Variants in FERMT2 observed in about 807,000 individuals in gnomAD.
FERMT2 encodes fermitin family homolog 2.
A neutral mutation model predicts 82.7 loss-of-function variants in FERMT2; 15 were observed. The ratio of observed to expected loss-of-function variants is 0.18; its 90% CI spans 0.12 to 0.28. The LOEUF (loss-of-function observed/expected upper bound fraction) is 0.28. Ranked by LOEUF, FERMT2 falls within the 10% of genes least tolerant of loss-of-function variation. The probability of loss-of-function intolerance (pLI) is 1.00; values close to 1 mark genes in which losing one functional copy is unlikely to be tolerated. For missense variants in FERMT2, 645 were observed against 809.4 expected (o/e 0.80, Z 2.46); for synonymous variants, 274 against 271.5 (o/e 1.01, Z -0.09).
intron 9 of FERMT2, among the ~76,000 whole-genome samples, chr14:52,873,383 C>T (rs1032255090): frequency 1.3e-5 from 2 of 152,160 alleles, no homozygotes; most frequent in Non-Finnish European, 2.9e-5. Flanking sequence ...GTGCTTCTTT[C>T]TCCGGGGTAA....
At chr14:52,909,747 A>C (rs1421575768) in intron 3 of FERMT2, among the ~76,000 whole-genome samples, 1 of 151,166 alleles carries the variant, frequency 6.6e-6, no homozygotes, top group Non-Finnish European at 1.5e-5. Context: ...AAAGTAGTTT[A>C]AGTGATCCTT....
At chr14:52,891,624 C>T (rs982436365) in intron 4 of FERMT2, among the ~76,000 whole-genome samples, 2 of 152,076 alleles carry the variant, frequency 1.3e-5, no homozygotes, top group African/African-American at 2.4e-5. Context: ...TAGTGGTGGG[C>T]ACTGCACAGT....
rs1479861446 is a variant in FERMT2, at chr14:52,857,730, A to G, written c.*647T>C. On this transcript the variant is annotated 3_prime_UTR_variant, in exon 15 of 15. Transcript: ENST00000341590. ...GCAAAGAGTTGCATATTTTAGGCAG[A>G]CAGTGATTATGCTGGTGAATACTAA... The G allele has an allele frequency of 2.0e-5, 3 of 152,662 alleles. No homozygotes were observed. Among genetic ancestry groups the G allele is most frequent in the Non-Finnish European group, 4.4e-5 (3 of 68,048 alleles). 9.5% of individuals were successfully genotyped at this position (152,662 alleles called of 1,614,324 possible).
intron 2 of FERMT2, among the ~76,000 whole-genome samples, chr14:52,937,069 C>T (rs190423414): frequency 2.6e-5 from 4 of 151,856 alleles, no homozygotes; most frequent in African/African-American, 7.3e-5. Context: ...GGCTGAGGCA[C>T]GAGAATTGCT....
At position 52,919,238 on chromosome 14, in the gene FERMT2, G is replaced by A; in HGVS notation, c.276C>T (p.Phe92=). ...GGCGGAGCAGTTTGTGCTGAGGGGT[G>A]AACTGAAGCTTAGCATCTGCCTGAA... is the stretch of plus-strand genomic sequence containing the variant. ...YGIQADAKLQ[F]TPQHKLLRLQ... is the part of the protein sequence containing the mutation. Residue 92 remains phenylalanine (F), a synonymous_variant, in exon 3 of 15, where the codon TTC becomes TTT. Transcript: ENST00000341590. 6.2e-7 allele frequency: 1 copy of A among 1,614,056 alleles called. No homozygotes were observed. The highest frequency in any genetic ancestry group is 8.5e-7 in the Non-Finnish European group (1 of 1,179,956).
At chr14:52,907,180 T>C (rs1888061966) in intron 3 of FERMT2, among the ~76,000 whole-genome samples, 1 of 152,130 alleles carries the variant, frequency 6.6e-6, no homozygotes, top group Non-Finnish European at 1.5e-5. Context: ...GCCCAGCTAA[T>C]TTTTTGGTAT....
At chr14:52,859,756 G>A (rs1272474809) in intron 13 of FERMT2, 42 bp from the exon 14 acceptor site, 3 of 1,290,592 alleles carry the variant, frequency 2.3e-6, no homozygotes, top group Non-Finnish European at 3.2e-6. Context: ...CATGTTGTGG[G>A]GGAACATGTT....
intron 3 of FERMT2, among the ~76,000 whole-genome samples, chr14:52,911,620 C>G (rs1888318694): frequency 6.6e-6 from 1 of 150,486 alleles, no homozygotes; most frequent in Non-Finnish European, 1.5e-5. Flanking sequence ...CACTGCAGTC[C>G]AACCTGGGTG....
intron 3 of FERMT2, among the ~76,000 whole-genome samples, chr14:52,913,286 C>A (rs1888427391): frequency 1.3e-5 from 2 of 152,212 alleles, no homozygotes; most frequent in African/African-American, 4.8e-5. Flanking sequence ...AAATTTCTAA[C>A]ATTGCAAACA....
intron 2 of FERMT2, among the ~76,000 whole-genome samples, chr14:52,922,899 T>G (rs1191773545): frequency 6.6e-6 from 1 of 152,166 alleles, no homozygotes; most frequent in Non-Finnish European, 1.5e-5. Context: ...AATGCGATGT[T>G]TGGCAAGTTC....
intron 4 of FERMT2, among the ~76,000 whole-genome samples, chr14:52,886,767 T>C (rs1275823451): frequency 6.6e-6 from 1 of 152,220 alleles, no homozygotes; most frequent in Non-Finnish European, 1.5e-5. Context: ...ACTGTCAAGT[T>C]GGACTCCAAA....
At chr14:52,906,561 C>A in intron 3 of FERMT2, among the ~76,000 whole-genome samples, 1 of 151,322 alleles carries the variant, frequency 6.6e-6, no homozygotes. Context: ...TGGGGAAGCA[C>A]AAATAACTCA....
intron 2 of FERMT2, among the ~76,000 whole-genome samples, chr14:52,928,716 C>G (rs540331668): frequency 6.6e-6 from 1 of 152,192 alleles, no homozygotes; most frequent in African/African-American, 2.4e-5. Flanking sequence ...AATCCTCCTC[C>G]TTCTCAGTAG....
intron 2 of FERMT2, among the ~76,000 whole-genome samples, chr14:52,948,350 C>G (rs1890458057): frequency 6.6e-6 from 1 of 152,178 alleles, no homozygotes; most frequent in African/African-American, 2.4e-5. Flanking sequence ...GCTGCCCTAC[C>G]GAATCTCTCC....
chr14:52,866,692 A>G (rs1885300320), intron 10 of FERMT2, among the ~76,000 whole-genome samples: 1 of 152,176 alleles, frequency 6.6e-6, no homozygotes, highest in Non-Finnish European at 1.5e-5. Flanking sequence ...AACAATGCCT[A>G]TTTCAAATCT....
At chr14:52,941,343 T>C (rs1281544913) in intron 2 of FERMT2, among the ~76,000 whole-genome samples, 1 of 152,200 alleles carries the variant, frequency 6.6e-6, no homozygotes. Flanking sequence ...AAGTTTTCTA[T>C]CTTGACTGTG....
chr14:52,926,992 C>T (rs1301489066), intron 2 of FERMT2, among the ~76,000 whole-genome samples: 3 of 152,174 alleles, frequency 2.0e-5, no homozygotes, highest in Non-Finnish European at 4.4e-5. Flanking sequence ...CACCGTATCA[C>T]GTGCACATAA....
Position 52,950,478 on chromosome 14 carries a change from C to T in FERMT2, c.91G>A (p.Val31Ile). 2 of 1,614,140 alleles carry T rather than the reference C, an allele frequency of 1.2e-6. No individual in the cohort carries two copies. Among genetic ancestry groups the T allele is most frequent in the Non-Finnish European group, 1.7e-6 (2 of 1,180,018 alleles). Residue 31 changes from valine (V) to isoleucine (I), a missense_variant, in exon 2 of 15, where the codon GTC becomes ATC. By Grantham distance (29) the Val-to-Ile change is conservative. Transcript: ENST00000341590. The stretch of plus-strand genomic sequence containing the variant: ...ACCTCGCCGGTCACTCTCAGGGTGA[C>T]ATCGCGGTTCAGGTCCGTCACATGG... ...SVHVTDLNRD[V>I]TLRVTGEVHI...
At chr14:52,925,931 A>G (rs903901986) in intron 2 of FERMT2, among the ~76,000 whole-genome samples, 6 of 152,168 alleles carry the variant, frequency 3.9e-5, no homozygotes, top group African/African-American at 4.8e-5. Context: ...GGCATGAGCC[A>G]CCGCGCCCGG....
Sources: gnomAD v4.1 joint callset for allele counts (sites outside exome capture counted in the v4.1 genomes callset) on GRCh38, gnomAD v4.1.1 for gene constraint, MANE v1.5 for transcripts, NCBI Gene and HGNC (gene_info 2026-07-23, HGNC 2026-07-21) for gene names.